Variants in ACYP2 observed in about 807,000 individuals in gnomAD.
ACYP2 encodes acylphosphatase 2.
In ACYP2, 12 loss-of-function variants were observed where a neutral mutation model predicts 11.2. The observed-to-expected ratio is 1.08, with a 90% confidence interval of 0.69 to 1.74. The LOEUF (loss-of-function observed/expected upper bound fraction) is 1.74. Ranked by LOEUF, ACYP2 falls within the 40% of genes most tolerant of loss-of-function variation. ACYP2 has a pLI of 0.00. For synonymous variants in ACYP2, 43 were observed against 32.2 expected, an observed-to-expected ratio of 1.33 and a Z score of -1.13; for missense variants, 134 against 101.9, an observed-to-expected ratio of 1.31 and a Z score of -1.35.
chr2:53,982,890 G>C (rs1671843296), intron 2 of ACYP2, among the ~76,000 whole-genome samples: 1 of 149,576 alleles, frequency 6.7e-6, no homozygotes, highest in African/African-American at 2.5e-5. Context: ...AATAGGTTCA[G>C]GGAGAACCAG....
At chr2:54,025,814 G>C (rs1674253427) in intron 2 of ACYP2, among the ~76,000 whole-genome samples, 1 of 152,180 alleles carries the variant, frequency 6.6e-6, no homozygotes, top group Non-Finnish European at 1.5e-5. Context: ...AGACAACCCT[G>C]ACTAGGCATG....
chr2:54,179,614 C>A (rs1277183416), intron 6 of ACYP2, among the ~76,000 whole-genome samples: 1 of 152,088 alleles, frequency 6.6e-6, no homozygotes, highest in Non-Finnish European at 1.5e-5. Flanking sequence ...TATAGGGTAA[C>A]TTCCTGATGT....
chr2:54,229,530 C>G (rs1046508170), intron 6 of ACYP2, among the ~76,000 whole-genome samples: 1 of 152,162 alleles, frequency 6.6e-6, no homozygotes, highest in Non-Finnish European at 1.5e-5. Context: ...ATATCCTTAA[C>G]AGACAGAGTA....
intron 4 of ACYP2, among the ~76,000 whole-genome samples, chr2:54,070,034 G>T (rs942286139): frequency 6.6e-6 from 1 of 152,166 alleles, no homozygotes; most frequent in Non-Finnish European, 1.5e-5. Context: ...GCTTTGGGAG[G>T]CCAAGGTGGG....
chr2:53,980,787 T>G (rs1394730014), intron 2 of ACYP2, among the ~76,000 whole-genome samples: 1 of 152,000 alleles, frequency 6.6e-6, no homozygotes, highest in Non-Finnish European at 1.5e-5. Flanking sequence ...GCTTTCACTC[T>G]GTTGCCCAGG....
At chr2:54,003,493 C>T (rs1321358255) in intron 2 of ACYP2, among the ~76,000 whole-genome samples, 6 of 152,126 alleles carry the variant, frequency 3.9e-5, no homozygotes, top group African/African-American at 1.4e-4. Context: ...CTCCTGACCT[C>T]CAGTGATCCG....
At chr2:54,115,800 G>A (rs1410856087) in intron 4 of ACYP2, 44 bp downstream of exon 1, 3 of 1,540,700 alleles carry the variant, frequency 1.9e-6, no homozygotes, top group East Asian at 2.5e-5. Flanking sequence ...GGTTATGGGA[G>A]GAAGGGGAGA....
At chr2:54,232,392 G>C (rs1686273106) in intron 6 of ACYP2, among the ~76,000 whole-genome samples, 1 of 152,060 alleles carries the variant, frequency 6.6e-6, no homozygotes, top group Non-Finnish European at 1.5e-5. Flanking sequence ...CAGGGGCTTG[G>C]GGTCATTGAC....
At chr2:54,260,280 A>T (rs1687722058) in intron 6 of ACYP2, among the ~76,000 whole-genome samples, 1 of 152,108 alleles carries the variant, frequency 6.6e-6, no homozygotes, top group Non-Finnish European at 1.5e-5. Flanking sequence ...GAGTGTGAGG[A>T]TGGGGCAACA....
At chr2:54,212,457 T>C (rs1213975375) in intron 6 of ACYP2, among the ~76,000 whole-genome samples, 1 of 152,238 alleles carries the variant, frequency 6.6e-6, no homozygotes, top group African/African-American at 2.4e-5. Context: ...ATGCATTTCC[T>C]TGTGCTTTAC....
chr2:54,255,738 C>T, intron 6 of ACYP2: 8 of 1,614,012 alleles, frequency 5.0e-6, no homozygotes, highest in Non-Finnish European at 6.8e-6. Flanking sequence ...TCACTTCAGA[C>T]TCCGACCTCC....
intron 6 of ACYP2, chr2:54,254,244 T>C (rs1342597654): frequency 2.6e-5 from 4 of 152,256 alleles, no homozygotes; most frequent in Admixed American, 6.5e-5. Flanking sequence ...AACAGGTCTT[T>C]TGTGTGCTGA....
In ACYP2 at chr2:54,138,737, A is replaced by C; in HGVS notation, c.393A>C (p.Lys131Asn). Residue 131 changes from lysine (K) to asparagine (N), a missense_variant, in exon 6 of 7, where the codon AAA (lysine) becomes AAC (asparagine). Lys to Asn is a moderately conservative substitution (Grantham distance 94). Coordinates refer to ENST00000607452, the MANE Select transcript of ACYP2 (RefSeq NM_001320586.2). ...GCCAAGTGCAGGGGCCAGAAGACAA[A>C]GTCAATTCCATGTGAGTAGTAAAAT... 1 of 1,612,186 alleles carries C rather than the reference A, an allele frequency of 6.2e-7. No individual in the cohort carries two copies. The highest frequency in any genetic ancestry group is 8.5e-7 in the Non-Finnish European group (1 of 1,179,348).
intron 6 of ACYP2, among the ~76,000 whole-genome samples, chr2:54,290,350 G>A (rs1274319098): frequency 3.3e-5 from 5 of 151,874 alleles, no homozygotes; most frequent in Non-Finnish European, 5.9e-5. Context: ...GAAGTCGGCC[G>A]TAAAGCAAAA....
In ACYP2 at chr2:54,115,601, C is replaced by T. The variant is rs1679707719; in HGVS notation, c.278-19852C>T. 6.5e-7 allele frequency: 1 copy of T among 1,549,480 alleles called. No homozygotes were observed. Among genetic ancestry groups the T allele is most frequent in the Non-Finnish European group, 8.7e-7 (1 of 1,146,956 alleles). ...CGGGACCGGTGACAGGCGCGGGGTG[C>T]GCCAAGCAGTCCCATGTGTCCCCTC... On this transcript the variant is annotated intron_variant, in intron 4 of 6. Transcript: ENST00000607452.
At chr2:54,207,429 C>T (rs1685122402) in intron 6 of ACYP2, among the ~76,000 whole-genome samples, 1 of 152,116 alleles carries the variant, frequency 6.6e-6, no homozygotes, top group Admixed American at 6.6e-5. Flanking sequence ...GGTTGGGTGA[C>T]ACCCACCCAC....
At chr2:54,168,910 G>T (rs911174376) in intron 6 of ACYP2, among the ~76,000 whole-genome samples, 1 of 152,106 alleles carries the variant, frequency 6.6e-6, no homozygotes, top group Admixed American at 6.6e-5. Flanking sequence ...CACTTAAATG[G>T]CCTATAAAAT....
At chr2:53,982,217 A>G (rs963673993) in intron 2 of ACYP2, among the ~76,000 whole-genome samples, 7 of 152,220 alleles carry the variant, frequency 4.6e-5, no homozygotes, top group African/African-American at 1.7e-4. Flanking sequence ...ATCTGCATGC[A>G]TAATTTGAAT....
chr2:54,250,160 G>A (rs1242213185), intron 6 of ACYP2, among the ~76,000 whole-genome samples: 1 of 151,982 alleles, frequency 6.6e-6, no homozygotes, highest in Non-Finnish European at 1.5e-5. Context: ...GATTAAATTT[G>A]AATTCTGGAC....
Sources: allele counts gnomAD v4.1 joint callset (sites outside exome capture counted in the v4.1 genomes callset), GRCh38; gene constraint gnomAD v4.1.1; transcripts MANE v1.5; gene names NCBI Gene and HGNC (gene_info 2026-07-23, HGNC 2026-07-21).